The following MYH9 variants were observed in gnomAD, a reference collection of about 807,000 sequenced individuals.
The protein encoded by MYH9 is myosin heavy chain 9.
Under a neutral mutation model 241.9 loss-of-function variants are expected in MYH9, and 29 were observed. The observed-to-expected ratio is 0.12, with a 90% CI of 0.09 to 0.16. The LOEUF is 0.16. Ranked by LOEUF, MYH9 falls within the 10% of genes least tolerant of loss-of-function variation. The pLI is 1.00. For missense variants in MYH9, 1,803 were observed against 2,595.5 expected (o/e 0.69, Z 6.63); for synonymous variants, 1,047 against 1,062.6 (o/e 0.99, Z 0.29).
chr22:36,347,075 A>G (rs775245361), intron 2 of MYH9, among the ~76,000 whole-genome samples: 35 of 152,184 alleles, frequency 2.3e-4, no homozygotes, highest in Admixed American at 1.3e-4. Flanking sequence ...CCAGAAGGAA[A>G]TATCTTTGAG....
chr22:36,320,362 G>T lies in MYH9; in HGVS notation c.870C>A (p.Thr290=), dbSNP rs144683949. ...LLSGAGEHLK[T]DLLLEPYNKY... is the part of the protein sequence containing the mutation. ...TGTTGTACGGCTCCAACAGGAGATC[G>T]GCTGTAAGGGGTGGAGGGCAAGGGC... The change falls in exon 9 of 41, where the codon ACC becomes ACA. Residue 290 remains threonine, a splice_region_variant and synonymous_variant. Coordinates refer to ENST00000216181, the MANE Select transcript of MYH9 (RefSeq NM_002473.6). The surrounding 1 kb of genome is among the most constrained non-coding windows in gnomAD (Gnocchi z 4.8). 3 of 1,613,208 alleles carry T rather than the reference G, an allele frequency of 1.9e-6. No homozygotes were observed. Among genetic ancestry groups the T allele is most frequent in the Non-Finnish European group, 1.7e-6 (2 of 1,180,026 alleles).
At position 36,291,971 on chromosome 22, in the gene MYH9, C is replaced by G; in HGVS notation, c.4344+15G>C. ...AGGAGAGGAAATGCAAAGGATGGGG[C>G]CAACGGCCACACACCTGGTCAAACT... On this transcript the variant is annotated intron_variant, in intron 31 of 40. Coordinates refer to ENST00000216181, the MANE Select transcript of MYH9 (RefSeq NM_002473.6). 6.2e-7 allele frequency: 1 copy of G among 1,614,122 alleles called. No individual in the cohort carries two copies. The highest frequency in any genetic ancestry group is 8.5e-7 in the Non-Finnish European group (1 of 1,180,050).
At chr22:36,370,713 G>A (rs1399660556) in intron 1 of MYH9, among the ~76,000 whole-genome samples, 1 of 152,226 alleles carries the variant, frequency 6.6e-6, no homozygotes. Flanking sequence ...CAGGCACTGG[G>A]CAGAAGGCAG....
chr22:36,288,674 G>A lies in MYH9; in HGVS notation c.4770+53C>T, dbSNP rs1024998159. The A allele has an allele frequency of 6.9e-6, 11 of 1,590,186 alleles. No individual in the cohort carries two copies. Among genetic ancestry groups the A allele is most frequent in the Middle Eastern group, 1.7e-4 (1 of 5,718 alleles). On this transcript the variant is annotated intron_variant, in intron 33 of 40. Coordinates refer to ENST00000216181, the MANE Select transcript of MYH9 (RefSeq NM_002473.6). This position sits in a 1 kb window ranked among gnomAD's most constrained non-coding sequence, Gnocchi z 4.8. ...GTGGAAGGAGAGAACAGAAGCCTGC[G>A]TGAAGCCAAGGCAGCCTTGGGCACC... is the stretch of plus-strand genomic sequence containing the variant.
chr22:36,291,199 G>T (rs904889382), intron 31 of MYH9, among the ~76,000 whole-genome samples: 1 of 152,122 alleles, frequency 6.6e-6, no homozygotes, highest in African/African-American at 2.4e-5. Context: ...CTCATTGATA[G>T]CGGGCCATGA....
At chr22:36,375,457 A>G (rs56280139) in intron 1 of MYH9, among the ~76,000 whole-genome samples, 10,145 of 152,274 alleles carry the variant, frequency 0.067, 908 homozygotes, top group African/African-American at 0.19. Flanking sequence ...GGGAGATCCC[A>G]TTCTGCTGCA....
intron 1 of MYH9, among the ~76,000 whole-genome samples, chr22:36,371,514 G>A (rs1373505201): frequency 6.6e-6 from 1 of 152,130 alleles, no homozygotes; most frequent in East Asian, 1.9e-4. Flanking sequence ...CTTCATCATA[G>A]CAGCCTGAGC....
intron 1 of MYH9, among the ~76,000 whole-genome samples, chr22:36,372,432 T>C (rs1203702522): frequency 7.0e-6 from 1 of 141,946 alleles, no homozygotes; most frequent in African/African-American, 2.7e-5. Flanking sequence ...GAGGCTGCAA[T>C]AAGCTATGAT....
intron 3 of MYH9, 103 bp downstream of exon 3, chr22:36,341,267 A>T: frequency 6.8e-7 from 1 of 1,462,264 alleles, no homozygotes. Flanking sequence ...ATCACCAGCC[A>T]CTAGATCAAT....
At position 36,295,278 on chromosome 22, in the gene MYH9, T is replaced by C. The variant is rs934877197; in HGVS notation, c.3486-202A>G. On this transcript the variant is annotated intron_variant, in intron 26 of 40. Coordinates refer to ENST00000216181, the MANE Select transcript of MYH9 (RefSeq NM_002473.6). The surrounding 1 kb of genome is among the most constrained non-coding windows in gnomAD (Gnocchi z 4.1). ...GAGAGCTTCTGTAGCCTTTCAGCTT[T>C]AAAGCCCAGCCTTGCCTCACCCCCA... Among the ~76,000 whole-genome samples, 2 of 152,192 alleles carry C rather than the reference T, an allele frequency of 1.3e-5. No individual in the cohort carries two copies. Among genetic ancestry groups the C allele is most frequent in the African/African-American group, 4.8e-5 (2 of 41,446 alleles).
At position 36,316,918 on chromosome 22, in the gene MYH9, A is replaced by G. The variant is rs1557538; in HGVS notation, c.1228-249T>C. On this transcript the variant is annotated intron_variant, in intron 11 of 40. Coordinates refer to ENST00000216181, the MANE Select transcript of MYH9 (RefSeq NM_002473.6). ...AACTTAGATCTTTTGAAATAAAATG[A>G]GGACACACTAAAGGATTTACAGAAA... 0.56 allele frequency among the ~76,000 whole-genome samples: 80,661 copies of G among 143,450 alleles called. 24,735 individuals carry two copies. Among genetic ancestry groups the G allele is most frequent in the Non-Finnish European group, 0.69 (44,557 of 64,602 alleles). The allele number at this position is 143,450 out of a possible 152,430, so 94.1% of individuals were successfully genotyped here.
At chr22:36,315,387 C>A (rs2017133808) in intron 12 of MYH9, among the ~76,000 whole-genome samples, 1 of 152,144 alleles carries the variant, frequency 6.6e-6, no homozygotes, top group Non-Finnish European at 1.5e-5. Flanking sequence ...AGGTTAAGAA[C>A]CTCTAATCTA....
intron 1 of MYH9, among the ~76,000 whole-genome samples, chr22:36,355,117 C>G (rs898942661): frequency 6.6e-6 from 1 of 151,958 alleles, no homozygotes; most frequent in Non-Finnish European, 1.5e-5. Flanking sequence ...TTGGATCAGG[C>G]TGAGGCCATC....
At chr22:36,337,977 A>T (rs1173132092) in intron 3 of MYH9, among the ~76,000 whole-genome samples, 2 of 152,030 alleles carry the variant, frequency 1.3e-5, no homozygotes, top group Non-Finnish European at 2.9e-5. Context: ...GCTATATACA[A>T]AAAGAAGGAA....
Position 36,330,395 on chromosome 22 carries a change from T to C in MYH9, c.491-2907A>G, listed in dbSNP as rs985186736. 2.0e-5 allele frequency among the ~76,000 whole-genome samples: 3 copies of C among 152,216 alleles called. No homozygotes were observed. The highest frequency in any genetic ancestry group is 4.4e-5 in the Non-Finnish European group (3 of 68,038). On this transcript the variant is annotated intron_variant, in intron 3 of 40. Transcript: ENST00000216181. This position sits in a 1 kb window ranked among gnomAD's most constrained non-coding sequence, Gnocchi z 4.5. ...CATGCAACCGAAAAGGTCTTTCCAA[T>C]GCTCAGGAAGGGTTTTGGTCTGTTA...
Position 36,309,017 on chromosome 22 carries a change from G to A in MYH9, c.1843+265C>T, listed in dbSNP as rs1034671973. The A allele has an allele frequency of 3.6e-5, 12 of 337,586 alleles. No individual in the cohort carries two copies. In the South Asian group the frequency reaches 7.2e-4, roughly 20 times the overall value. The allele number at this position is 337,586 out of a possible 1,614,324, so 20.9% of individuals were successfully genotyped here. ...GCGCGGGGCTGGGAGCCTGGGCTTC[G>A]AGGCTCGGGGCTGCCCTTGACTTTC... On this transcript the variant is annotated intron_variant, in intron 15 of 40. Coordinates refer to ENST00000216181, the MANE Select transcript of MYH9 (RefSeq NM_002473.6).
intron 1 of MYH9, among the ~76,000 whole-genome samples, chr22:36,374,683 G>T (rs567975730): frequency 3.1e-4 from 47 of 152,322 alleles, no homozygotes; most frequent in Admixed American, 5.2e-4. Context: ...CAAGGTGAGT[G>T]ACCTGGGAGT....
In MYH9 at chr22:36,309,336, C is replaced by T. The variant is rs753422577; in HGVS notation, c.1789G>A (p.Ala597Thr). The T allele has an allele frequency of 6.2e-6, 10 of 1,614,038 alleles. No homozygotes were observed. Among genetic ancestry groups the T allele is most frequent in the Non-Finnish European group, 8.5e-6 (10 of 1,180,042 alleles). ...TCAGAGGACTGGTGGAGCAGTGTGG[C>T]GATGTTGTCATTCAGGGGATCCATG... ...KNMDPLNDNI[A>T]TLLHQSSDKF... The change falls in exon 15 of 41, where the codon GCC becomes ACC. Residue 597 changes from alanine (A) to threonine (T), a missense_variant. Ala to Thr is a moderately conservative substitution (Grantham distance 58, BLOSUM62 0). Around this residue, in one of 11 missense-constraint regions of MYH9, gnomAD observed 163 missense variants for 349.7 expected, o/e 0.47. Coordinates refer to ENST00000216181, the MANE Select transcript of MYH9 (RefSeq NM_002473.6).
At chr22:36,367,890 C>A (rs1476591564) in intron 1 of MYH9, among the ~76,000 whole-genome samples, 1 of 152,196 alleles carries the variant, frequency 6.6e-6, no homozygotes, top group Non-Finnish European at 1.5e-5. Flanking sequence ...TGGGTGCATA[C>A]AGACTTGCAC....
Sources: gnomAD v4.1 joint callset for allele counts (sites outside exome capture counted in the v4.1 genomes callset) on GRCh38, gnomAD v4.1.1 for gene constraint, gnomAD v4.1.1 regional missense constraint, Gnocchi (gnomAD v3.1) non-coding constraint, MANE v1.5 for transcripts, NCBI Gene and HGNC (gene_info 2026-07-23, HGNC 2026-07-21) for gene names.